Variants in STKLD1 observed in about 807,000 individuals in gnomAD.
STKLD1 encodes serine/threonine kinase like domain containing 1.
STKLD1 carries 79 observed loss-of-function variants against 80.4 expected under a neutral mutation model. The ratio of observed to expected loss-of-function variants is 0.98; its 90% confidence interval spans 0.82 to 1.19. The LOEUF (loss-of-function observed/expected upper bound fraction) is 1.19, where lower values mean the gene tolerates loss of function less well. Ranked by LOEUF, STKLD1 falls within the 50% of genes most tolerant of loss-of-function variation. The pLI is 0.00. For synonymous variants in STKLD1, 393 were observed against 357.6 expected, an observed-to-expected ratio of 1.10 and a Z score of -1.12; for missense variants, 841 against 856.0, an observed-to-expected ratio of 0.98 and a Z score of 0.22.
intron 2 of STKLD1, among the ~76,000 whole-genome samples, chr9:133,380,510 T>C (rs1257328012): frequency 1.3e-5 from 2 of 152,068 alleles, no homozygotes; most frequent in Non-Finnish European, 2.9e-5. Flanking sequence ...AAAAATTAGC[T>C]GAGCATGGTG....
chr9:133,400,134 G>A (rs1370976665), intron 11 of STKLD1, among the ~76,000 whole-genome samples: 1 of 152,172 alleles, frequency 6.6e-6, no homozygotes, highest in Admixed American at 6.5e-5. Flanking sequence ...CTGAAGAGCA[G>A]GTGCTTTCAT....
intron 2 of STKLD1, among the ~76,000 whole-genome samples, chr9:133,380,352 C>T (rs1028969932): frequency 2.0e-5 from 3 of 151,444 alleles, no homozygotes; most frequent in African/African-American, 7.3e-5. Flanking sequence ...GCCTGAGGAG[C>T]TTTTAAAAAT....
intron 16 of STKLD1, 111 bp from the exon 17 acceptor site, chr9:133,404,678 G>A: frequency 2.0e-6 from 3 of 1,466,912 alleles, no homozygotes; most frequent in Non-Finnish European, 2.7e-6. Flanking sequence ...CCCGTCTCTT[G>A]TCCTGTCCCA....
rs782422568 is a variant in STKLD1, at chr9:133,402,901, C to T, written c.1363C>T (p.Leu455=). The change falls in exon 14 of 18, where the codon CTG becomes TTG. Residue 455 remains leucine, a synonymous_variant. Transcript: ENST00000371957. ...TQESESLSEE[L]QNAGLLEHIL... ...AGAGTCAGAGTCACTGTCAGAGGAGCTGCAGAATGCTGGGCTGCTGGAGCA... is the reference window on the plus strand; with the variant it reads ...AGAGTCAGAGTCACTGTCAGAGGAGTTGCAGAATGCTGGGCTGCTGGAGCA... The T allele has an allele frequency of 1.3e-5, 20 of 1,592,296 alleles. No homozygotes were observed. In the East Asian group the frequency reaches 4.6e-4, roughly 36 times the overall value.
rs955182340 is a variant in STKLD1 at position 133,401,625 on chromosome 9, G to C, written c.1199-113G>C. ...TCTGGGTCAGAACAAGGCAGACCTCGGTTTCCTTCATGCAAAGTGGAGATG... is the reference window on the plus strand; with the variant it reads ...TCTGGGTCAGAACAAGGCAGACCTCCGTTTCCTTCATGCAAAGTGGAGATG... On this transcript the variant is annotated intron_variant, in intron 12 of 17. Coordinates refer to ENST00000371957, the MANE Select transcript of STKLD1 (RefSeq NM_153710.5). 31 of 1,335,342 alleles carry C rather than the reference G, an allele frequency of 2.3e-5. No homozygotes were observed. In the African/African-American group the frequency reaches 4.2e-4, roughly 18 times the overall value. The allele number at this position is 1,335,342 out of a possible 1,614,324, so 82.7% of individuals were successfully genotyped here. A position where few individuals can be genotyped will look rare whatever the true frequency, so the allele number is the denominator to read the frequency against.
chr9:133,404,060 G>GA lies in STKLD1; in HGVS notation c.1732+13dup. ...GGTGAAGGTGTCAGGTGAGCCTGGG[G>GA]ACAGGACGAGGCTGCCACCTAGAGG... is the stretch of plus-strand genomic sequence containing the variant. On this transcript the variant is annotated intron_variant, in intron 16 of 17. Transcript: ENST00000371957. 6.3e-7 allele frequency: 1 copy of GA among 1,583,316 alleles called. No individual in the cohort carries two copies. Among genetic ancestry groups the GA allele is most frequent in the African/African-American group, 1.3e-5 (1 of 74,212 alleles).
intron 9 of STKLD1, among the ~76,000 whole-genome samples, chr9:133,396,609 T>C (rs1298146392): frequency 6.6e-6 from 1 of 151,672 alleles, no homozygotes; most frequent in Non-Finnish European, 1.5e-5. Flanking sequence ...GAAAAAAAAT[T>C]AGCTGGGCAT....
At chr9:133,395,431 A>AT (rs1838535372) in intron 8 of STKLD1, among the ~76,000 whole-genome samples, 169 bp from the exon 9 acceptor site, 1 of 152,058 alleles carries the variant, frequency 6.6e-6, no homozygotes, top group South Asian at 2.1e-4. Flanking sequence ...CTTCTTATGG[A>AT]AGAGCTTGGG....
At chr9:133,381,089 G>GA (rs1197291292) in intron 2 of STKLD1, among the ~76,000 whole-genome samples, 1 of 150,044 alleles carries the variant, frequency 6.7e-6, no homozygotes, top group Admixed American at 6.7e-5. Flanking sequence ...ATTTCCTTAG[G>GA]AAAAATTCCT....
intron 14 of STKLD1, 80 bp from the exon 15 acceptor site, chr9:133,403,620 G>A: frequency 1.3e-6 from 2 of 1,525,630 alleles, no homozygotes; most frequent in Non-Finnish European, 1.8e-6. Context: ...CTGGAGGAAG[G>A]CAGCAGATGG....
chr9:133,397,832 AG>A, intron 10 of STKLD1, 139 bp from the exon 11 acceptor site: 1 of 649,872 alleles, frequency 1.5e-6, no homozygotes, highest in Non-Finnish European at 2.6e-6. Context: ...GGATGGTAAC[AG>A]CCCCTCCCTC....
At position 133,392,578 on chromosome 9, in the gene STKLD1, GATGA is replaced by G. The variant is rs1838426178; in HGVS notation, c.584-1712_584-1709del. On this transcript the variant is annotated intron_variant, in intron 7 of 17. Transcript: ENST00000371957. The stretch of plus-strand genomic sequence containing the variant: ...GAGTGGATGGATGAATGGATGGATG[GATGA>G]GTGGATGGATGGATGGATGGGTGGA... 3.5e-4 allele frequency among the ~76,000 whole-genome samples: 46 copies of G among 130,974 alleles called. No homozygotes were observed. In the South Asian group the frequency reaches 0.013, roughly 36 times the overall value. The allele number at this position is 130,974 out of a possible 152,430, so 85.9% of individuals were successfully genotyped here.
At chr9:133,401,709 C>CTT in intron 12 of STKLD1, 29 bp from the exon 13 acceptor site, 2 of 1,602,012 alleles carry the variant, frequency 1.2e-6, no homozygotes, top group Admixed American at 3.4e-5. Flanking sequence ...GTGGGGCTAA[C>CTT]CCCAGGCGTC....
chr9:133,383,515 T>TGATGATGGC, intron 2 of STKLD1, among the ~76,000 whole-genome samples: 1 of 101,030 alleles, frequency 9.9e-6, no homozygotes, highest in Non-Finnish European at 2.3e-5. Flanking sequence ...GTGATGATGG[T>TGATGATGGC]GATGATGGCA....
chr9:133,402,802 G>T, intron 13 of STKLD1, 76 bp from the exon 14 acceptor site: 1 of 1,511,558 alleles, frequency 6.6e-7, no homozygotes, highest in Non-Finnish European at 8.9e-7. Flanking sequence ...TGGGACTGCA[G>T]TGCCCAAGGA....
intron 9 of STKLD1, among the ~76,000 whole-genome samples, chr9:133,396,629 C>T (rs1418871515): frequency 6.6e-6 from 1 of 151,216 alleles, no homozygotes; most frequent in African/African-American, 2.4e-5. Context: ...TGGTGGGGTG[C>T]GCCTGTAGTC....
rs1222016428 is a variant in STKLD1, at chr9:133,405,829, C to G, written c.*408C>G. On this transcript the variant is annotated 3_prime_UTR_variant, in exon 18 of 18. Transcript: ENST00000371957. ...CCTTCCTTTCCATGGGCCACTGTTT[C>G]CCTTGGGGTGGGGGGAAGGGTCATC... The G allele has an allele frequency of 6.2e-6, 1 of 160,432 alleles. No individual in the cohort carries two copies. The highest frequency in any genetic ancestry group is 2.4e-5 in the African/African-American group (1 of 41,658). 9.9% of individuals were successfully genotyped at this position (160,432 alleles called of 1,614,324 possible).
chr9:133,382,370 T>C (rs1838152123), intron 2 of STKLD1, among the ~76,000 whole-genome samples: 1 of 152,260 alleles, frequency 6.6e-6, no homozygotes, highest in African/African-American at 2.4e-5. Context: ...TTTAGATCTC[T>C]GCCTTAGGAA....
intron 7 of STKLD1, among the ~76,000 whole-genome samples, chr9:133,391,538 TG>T (rs1838398962): frequency 6.6e-6 from 1 of 151,896 alleles, no homozygotes; most frequent in African/African-American, 2.4e-5. Flanking sequence ...TCTTCTGCCT[TG>T]GGATCCTGTT....
Sources: gnomAD v4.1 joint callset for allele counts (sites outside exome capture counted in the v4.1 genomes callset) on GRCh38, gnomAD v4.1.1 for gene constraint, MANE v1.5 for transcripts, NCBI Gene and HGNC (gene_info 2026-07-23, HGNC 2026-07-21) for gene names.